Variants in PCLO observed in about 807,000 individuals in gnomAD.
PCLO encodes the protein piccolo presynaptic cytomatrix protein, also known as protein piccolo.
A neutral mutation model predicts 427.5 loss-of-function variants in PCLO; 82 were observed. The ratio of observed to expected loss-of-function variants is 0.19; its 90% CI spans 0.16 to 0.23. PCLO has a LOEUF of 0.23. PCLO is among the 10% of genes least tolerant of loss of function. PCLO has a pLI of 1.00. For missense variants in PCLO, 6,239 were observed against 6,115.9 expected (o/e 1.02, Z -0.67); for synonymous variants, 2,357 against 2,155.4 (o/e 1.09, Z -2.59).
chr7:82,842,404 A>G (rs563923972), intron 13 of PCLO, among the ~76,000 whole-genome samples: 334 of 152,296 alleles, frequency 2.2e-3, no homozygotes, highest in Non-Finnish European at 3.6e-3. Flanking sequence ...AATAGATTAA[A>G]GATTTAAATA....
chr7:83,054,526 T>A (rs1172824956), intron 3 of PCLO, among the ~76,000 whole-genome samples: 1 of 152,060 alleles, frequency 6.6e-6, no homozygotes, highest in Non-Finnish European at 1.5e-5. Flanking sequence ...CTCATTATTT[T>A]AAAAACAAAC....
chr7:82,986,704 G>A (rs1476774647), intron 3 of PCLO, among the ~76,000 whole-genome samples: 1 of 151,882 alleles, frequency 6.6e-6, no homozygotes, highest in Non-Finnish European at 1.5e-5. Flanking sequence ...TAAAAGTTGA[G>A]TTGATGTCTA....
In PCLO at chr7:82,801,501, T is replaced by A. The variant is rs755912371; in HGVS notation, c.15007+17A>T. On this transcript the variant is annotated intron_variant, in intron 22 of 24. Transcript: ENST00000333891. ...TGCAGATTCAGCCAAAATCCAATATTGTAAATTTTTACTTACCTTCAGTGT... is the reference window on the plus strand; with the variant it reads ...TGCAGATTCAGCCAAAATCCAATATAGTAAATTTTTACTTACCTTCAGTGT... The A allele has an allele frequency of 8.1e-5, 113 of 1,399,906 alleles. No homozygotes were observed. The East Asian group carries it at 2.5e-3, about 31-fold the overall frequency. 86.7% of individuals were successfully genotyped at this position (1,399,906 alleles called of 1,614,324 possible). A position where few individuals can be genotyped will look rare whatever the true frequency, so the allele number is the denominator to read the frequency against.
intron 3 of PCLO, among the ~76,000 whole-genome samples, chr7:83,033,016 C>T (rs565809630): frequency 6.6e-6 from 1 of 152,168 alleles, no homozygotes; most frequent in East Asian, 1.9e-4. Context: ...CTGATGAGAT[C>T]TGGTTGTTTG....
chr7:83,012,151 T>C (rs1246371253), intron 3 of PCLO, among the ~76,000 whole-genome samples: 1 of 152,046 alleles, frequency 6.6e-6, no homozygotes, highest in East Asian at 1.9e-4. Context: ...GAAAAACCAC[T>C]ACATCAGCAT....
chr7:83,031,542 A>C (rs757456622), intron 3 of PCLO, among the ~76,000 whole-genome samples: 11 of 152,156 alleles, frequency 7.2e-5, no homozygotes, highest in African/African-American at 1.2e-4. Context: ...TGTTACACAC[A>C]AAAAAGGGAA....
At chr7:83,063,384 T>C (rs758237112) in intron 3 of PCLO, among the ~76,000 whole-genome samples, 1 of 152,080 alleles carries the variant, frequency 6.6e-6, no homozygotes, top group Non-Finnish European at 1.5e-5. Flanking sequence ...GATGTCTGAC[T>C]TGTGATTTTT....
In PCLO at chr7:83,156,976, G is replaced by T. The variant is rs150149037; in HGVS notation, c.249-584C>A. Among the ~76,000 whole-genome samples the T allele has an allele frequency of 4.6e-3, 698 of 152,200 alleles. 4 individuals carry two copies. The highest frequency in any genetic ancestry group is 0.016 in the African/African-American group (654 of 41,542). ...TAGGGAATATAATGTGAAATAAGGG[G>T]AGTTTCTGATAATGGAGTTTACATG... On this transcript the variant is annotated intron_variant, in intron 1 of 24. Coordinates refer to ENST00000333891, the MANE Select transcript of PCLO (RefSeq NM_033026.6).
At chr7:82,877,046 A>C (rs1377002616) in intron 10 of PCLO, among the ~76,000 whole-genome samples, 1 of 152,204 alleles carries the variant, frequency 6.6e-6, no homozygotes, top group Non-Finnish European at 1.5e-5. Context: ...GAAATAAAAT[A>C]AGAAGGATTT....
At chr7:83,017,646 T>C (rs929282671) in intron 3 of PCLO, among the ~76,000 whole-genome samples, 6 of 152,032 alleles carry the variant, frequency 3.9e-5, no homozygotes, top group Non-Finnish European at 5.9e-5. Flanking sequence ...ATATTACATA[T>C]ACAGCTACAA....
At chr7:83,013,720 A>G (rs577895505) in intron 3 of PCLO, among the ~76,000 whole-genome samples, 1 of 152,346 alleles carries the variant, frequency 6.6e-6, no homozygotes, top group Admixed American at 6.5e-5. Context: ...ATGGAAATGT[A>G]ACTTCTGAGA....
chr7:82,785,064 T>C (rs566871126), intron 22 of PCLO, among the ~76,000 whole-genome samples: 2 of 152,340 alleles, frequency 1.3e-5, no homozygotes, highest in South Asian at 4.1e-4. Context: ...ATTTTATATT[T>C]CATTTTTTCC....
intron 22 of PCLO, among the ~76,000 whole-genome samples, chr7:82,766,729 TTTG>T (rs1249125364): frequency 3.2e-4 from 49 of 152,108 alleles, no homozygotes; most frequent in African/African-American, 1.1e-3. Flanking sequence ...ATATGTGAAA[TTTG>T]TTGTTTTTCG....
Position 82,915,931 on chromosome 7 carries a change from T to G in PCLO, c.12055A>C (p.Ser4019Arg). The change falls in exon 7 of 25, where the codon AGT (serine) becomes CGT (arginine). Residue 4019 changes from serine to arginine, a missense_variant. Ser to Arg is a moderately radical substitution (Grantham distance 110). This residue lies in a region of PCLO where 680 missense variants were observed against 677.3 expected (regional missense o/e 1.00). Transcript: ENST00000333891. ...GATATTGGACTGCTTGCCATGCTAC[T>G]TCTTTCCTCCAAACCTATTCTCAAG... ...LDLRIGLEER[S>R]SMASSPISSI... 1 of 1,613,298 alleles carries G rather than the reference T, an allele frequency of 6.2e-7. No individual in the cohort carries two copies. Among genetic ancestry groups the G allele is most frequent in the Non-Finnish European group, 8.5e-7 (1 of 1,179,778 alleles).
At position 82,760,756 on chromosome 7, in the gene PCLO, A is replaced by G. The variant is rs184652313; in HGVS notation, c.15171T>C (p.Asn5057=). The G allele has an allele frequency of 1.1e-4, 161 of 1,494,634 alleles. No individual in the cohort carries two copies. The East Asian group carries it at 3.4e-3, about 31-fold the overall frequency. 92.6% of individuals were successfully genotyped at this position (1,494,634 alleles called of 1,614,324 possible). A position where few individuals can be genotyped will look rare whatever the true frequency, so the allele number is the denominator to read the frequency against. Reference sequence around the variant, plus strand: ...TGATCACCTTTTTTTGGGTAGAAATATTCATCACATATATTTTCACATATA... The same window carrying G: ...TGATCACCTTTTTTTGGGTAGAAATGTTCATCACATATATTTTCACATATA... ...PDLYVKIYVM[N]ISTQKKVIKK... Residue 5057 remains asparagine, a synonymous_variant, in exon 24 of 25, where the codon AAT becomes AAC. Transcript: ENST00000333891.
At chr7:82,864,134 T>G (rs1793034269) in intron 10 of PCLO, among the ~76,000 whole-genome samples, 1 of 152,148 alleles carries the variant, frequency 6.6e-6, no homozygotes, top group African/African-American at 2.4e-5. Context: ...ACAGAATATC[T>G]AATTATAAAC....
chr7:82,818,555 G>A (rs1258979232), intron 20 of PCLO, among the ~76,000 whole-genome samples: 1 of 152,120 alleles, frequency 6.6e-6, no homozygotes, highest in African/African-American at 2.4e-5. Context: ...TCGTTTGTAA[G>A]AACTTAAGAG....
At chr7:83,118,348 C>T (rs1438694636) in intron 3 of PCLO, among the ~76,000 whole-genome samples, 1 of 152,114 alleles carries the variant, frequency 6.6e-6, no homozygotes, top group African/African-American at 2.4e-5. Context: ...AATAGAACTA[C>T]TATACGTACA....
At chr7:82,780,052 C>T (rs1240256175) in intron 22 of PCLO, among the ~76,000 whole-genome samples, 1 of 152,086 alleles carries the variant, frequency 6.6e-6, no homozygotes, top group Non-Finnish European at 1.5e-5. Context: ...TTATTGTAAA[C>T]CTCTTTCTCA....
Sources: gnomAD v4.1 joint callset for allele counts (sites outside exome capture counted in the v4.1 genomes callset) on GRCh38, gnomAD v4.1.1 for gene constraint, gnomAD v4.1.1 regional missense constraint, MANE v1.5 for transcripts, NCBI Gene and HGNC (gene_info 2026-07-23, HGNC 2026-07-21) for gene names.